CDC25C: variants seen among roughly 807,000 people sequenced by gnomAD.
CDC25C encodes M-phase inducer phosphatase 3.
CDC25C carries 48 observed loss-of-function variants against 52.5 expected under a neutral mutation model. The ratio of observed to expected loss-of-function variants is 0.91; its 90% CI spans 0.72 to 1.16. The LOEUF (loss-of-function observed/expected upper bound fraction) is 1.16, where lower values mean the gene tolerates loss of function less well. CDC25C is among the 50% of genes most tolerant of loss of function. The pLI is 0.00. For synonymous variants in CDC25C, 187 were observed against 206.5 expected (o/e 0.91, Z 0.81); for missense variants, 510 against 566.1 (o/e 0.90, Z 1.01).
At chr5:138,301,531 C>G (rs1757624152) in intron 7 of CDC25C, among the ~76,000 whole-genome samples, 1 of 151,154 alleles carries the variant, frequency 6.6e-6, no homozygotes, top group Admixed American at 6.6e-5. Context: ...AGAAATAAAA[C>G]CAATTCTATA....
At chr5:138,327,904 TCGCC>T (rs2126835149) in intron 4 of CDC25C, among the ~76,000 whole-genome samples, 1 of 151,810 alleles carries the variant, frequency 6.6e-6, no homozygotes, top group South Asian at 2.1e-4. Flanking sequence ...TCTCGCTCTG[TCGCC>T]CAGGCTGGAG....
At chr5:138,330,948 A>G in intron 2 of CDC25C, 39 bp downstream of exon 2, 2 of 1,389,350 alleles carry the variant, frequency 1.4e-6, no homozygotes, top group Non-Finnish European at 2.0e-6. Context: ...GTTTGGAAAT[A>G]GCAAAGGCAA....
rs190386705 is a variant in CDC25C, at chr5:138,302,741, A to T, written c.616-10625T>A. On this transcript the variant is annotated intron_variant, in intron 7 of 13. Transcript: ENST00000323760. ...TCATCATATTAACAGATTAAAAAAA[A>T]AACTCACTTGATTATCTCAATAGAT... 2.5e-4 allele frequency among the ~76,000 whole-genome samples: 38 copies of T among 150,896 alleles called. 1 individual carries two copies. The East Asian group carries it at 7.1e-3, about 28-fold the overall frequency.
chr5:138,328,508 A>G lies in CDC25C; in HGVS notation c.311T>C (p.Leu104Pro). Residue 104 changes from leucine to proline, a missense_variant, in exon 4 of 14, where the codon CTT (leucine) becomes CCT (proline). Leu to Pro is a moderately conservative substitution (Grantham distance 98). Transcript: ENST00000323760. ...CATCCCAGCTAAATGCACTTCCTGA[A>G]GTCCTGAAGAATCCAGGTGACCTGC... ...DETGHLDSSGLQEVHLAGMNH... is the reference protein window; with the variant it reads ...DETGHLDSSGPQEVHLAGMNH... 6.2e-7 allele frequency: 1 copy of G among 1,613,996 alleles called. No individual in the cohort carries two copies. Among genetic ancestry groups the G allele is most frequent in the Non-Finnish European group, 8.5e-7 (1 of 1,179,850 alleles).
In CDC25C at chr5:138,319,267, C is replaced by A. The variant is rs1759150606; in HGVS notation, c.567G>T (p.Glu189Asp). Residue 189 changes from glutamate (E) to aspartate (D), a missense_variant, in exon 7 of 14, where the codon GAG (glutamate) becomes GAT (aspartate). Transcript: ENST00000323760. Reference protein sequence around the residue: ...NPNLGEDQAEEISDELMEFSL... With the variant: ...NPNLGEDQAEDISDELMEFSL... ...AAAACTCCATTAATTCATCTGAAATCTCTTCTGCCTGGTCTTCTCCTAGGT... is the reference window on the plus strand; with the variant it reads ...AAAACTCCATTAATTCATCTGAAATATCTTCTGCCTGGTCTTCTCCTAGGT... 1.2e-6 allele frequency: 2 copies of A among 1,613,616 alleles called. No individual in the cohort carries two copies. Among genetic ancestry groups the A allele is most frequent in the Non-Finnish European group, 1.7e-6 (2 of 1,179,770 alleles).
At chr5:138,335,524 TG>T (rs1561733902), upstream of CDC25C, 1 of 152,036 alleles carries the variant, frequency 6.6e-6, no homozygotes, top group Non-Finnish European at 1.5e-5. Flanking sequence ...GGGTCACAGA[TG>T]GGGTTTGGCC....
In CDC25C at chr5:138,325,861, T is replaced by C. The variant is rs1759810096; in HGVS notation, c.413A>G (p.His138Arg). 4 of 1,614,204 alleles carry C rather than the reference T, an allele frequency of 2.5e-6. No individual in the cohort carries two copies. Among genetic ancestry groups the C allele is most frequent in the East Asian group, 4.5e-5 (2 of 44,886 alleles). ...CSTPNGLDRG[H>R]RKRDAMCSSS... is the part of the protein sequence containing the mutation. ...ACTACACATTGCATCTCTCTTTCTATGGCCACGGTCCAAACCATTCGGAGT... is the reference window on the plus strand; with the variant it reads ...ACTACACATTGCATCTCTCTTTCTACGGCCACGGTCCAAACCATTCGGAGT... Residue 138 changes from histidine to arginine, a missense_variant, in exon 6 of 14, where the codon CAT becomes CGT. Coordinates refer to ENST00000323760, the MANE Select transcript of CDC25C (RefSeq NM_001790.5).
rs1330691619 is a variant in CDC25C at position 138,292,004 on chromosome 5, T to A, written c.728A>T (p.Lys243Ile). ...KDNTIPDKVK[K>I]KYFSGQGKLR... Reference sequence around the variant, plus strand: ...CTTTCCTTGGCCAGAAAAATACTTTTTTTTAACTTTATCTGGTATTGTGTT... The same window carrying A: ...CTTTCCTTGGCCAGAAAAATACTTTATTTTAACTTTATCTGGTATTGTGTT... The change falls in exon 8 of 14, where the codon AAA becomes ATA. Residue 243 changes from lysine (K) to isoleucine (I), a missense_variant. By Grantham distance (102) the Lys-to-Ile change is moderately radical (BLOSUM62 -3). Coordinates refer to ENST00000323760, the MANE Select transcript of CDC25C (RefSeq NM_001790.5). 2 of 1,610,406 alleles carry A rather than the reference T, an allele frequency of 1.2e-6. No homozygotes were observed. Among genetic ancestry groups the A allele is most frequent in the Non-Finnish European group, 1.7e-6 (2 of 1,178,232 alleles).
At chr5:138,309,706 G>A (rs1758298830) in intron 7 of CDC25C, among the ~76,000 whole-genome samples, 2 of 137,604 alleles carry the variant, frequency 1.5e-5, no homozygotes, top group African/African-American at 5.3e-5. Context: ...ACCTCCCCTG[G>A]CTCTCAAAAT....
At chr5:138,308,165 G>A (rs112955544) in intron 7 of CDC25C, among the ~76,000 whole-genome samples, 2 of 152,030 alleles carry the variant, frequency 1.3e-5, no homozygotes, top group Non-Finnish European at 2.9e-5. Context: ...CATGGCCCAC[G>A]GGTTGGGAAA....
In CDC25C at chr5:138,328,109, C is replaced by T. The variant is rs370753935; in HGVS notation, c.335+375G>A. Reference sequence around the variant, plus strand: ...CTTGAACTGCTGACCTCAACTGATCCGCCTGCCTTGGCCTCCCAAAGTGCT... The same window carrying T: ...CTTGAACTGCTGACCTCAACTGATCTGCCTGCCTTGGCCTCCCAAAGTGCT... On this transcript the variant is annotated intron_variant, in intron 4 of 13. Coordinates refer to ENST00000323760, the MANE Select transcript of CDC25C (RefSeq NM_001790.5). Among the ~76,000 whole-genome samples the T allele has an allele frequency of 4.6e-5, 7 of 152,288 alleles. No homozygotes were observed. In the South Asian group the frequency reaches 1.0e-3, roughly 23 times the overall value.
In CDC25C at chr5:138,289,559, C is replaced by T. The variant is rs1756538125; in HGVS notation, c.869G>A (p.Cys290Tyr). The part of the protein sequence containing the change: ...GHLIGDFSKV[C>Y]ALPTVSGKHQ... ...TTTCCCTGACACGGTTGGCAGCGCA[C>T]ATACCTAGAAATACACAAGAGCTGA... The change falls in exon 10 of 14, where the codon TGT (cysteine) becomes TAT (tyrosine). Residue 290 changes from cysteine (C) to tyrosine (Y), a missense_variant. Physicochemically the swap from Cys to Tyr is radical, Grantham distance 194. Coordinates refer to ENST00000323760, the MANE Select transcript of CDC25C (RefSeq NM_001790.5). The T allele has an allele frequency of 1.9e-6, 3 of 1,612,782 alleles. No individual in the cohort carries two copies. The highest frequency in any genetic ancestry group is 1.3e-5 in the African/African-American group (1 of 74,880).
intron 7 of CDC25C, among the ~76,000 whole-genome samples, chr5:138,296,328 T>G (rs1160152649): frequency 1.3e-5 from 2 of 151,964 alleles, no homozygotes; most frequent in Non-Finnish European, 2.9e-5. Context: ...CTCTACCTCC[T>G]GAGTTCAAGC....
intron 7 of CDC25C, among the ~76,000 whole-genome samples, chr5:138,297,408 G>T (rs975805032): frequency 6.6e-6 from 1 of 152,100 alleles, no homozygotes; most frequent in African/African-American, 2.4e-5. Context: ...GAAGAACTAT[G>T]ATGCTTCTAC....
chr5:138,305,956 A>C (rs570947051), intron 7 of CDC25C, among the ~76,000 whole-genome samples: 2 of 152,338 alleles, frequency 1.3e-5, no homozygotes, highest in South Asian at 4.1e-4. Context: ...TAGAGAATAT[A>C]CTAGGTGGTA....
At chr5:138,299,495 CAAAAA>C (rs70982704) in intron 7 of CDC25C, among the ~76,000 whole-genome samples, 3 of 90,556 alleles carry the variant, frequency 3.3e-5, no homozygotes, top group Non-Finnish European at 4.5e-5. Context: ...GACTCCGTCT[CAAAAA>C]AAAAAAAAAA....
rs1476014646 is a variant in CDC25C at position 138,286,054 on chromosome 5, C to T, written c.1240G>A (p.Gly414Ser). 12 of 1,613,908 alleles carry T rather than the reference C, an allele frequency of 7.4e-6. No individual in the cohort carries two copies. In the South Asian group the frequency reaches 1.3e-4, roughly 18 times the overall value. ...TCTGGAAAGAAGTCTCTGTAGCCGCCTTTAAGGATATATAGCTCTGGGTAG... is the reference window on the plus strand; with the variant it reads ...TCTGGAAAGAAGTCTCTGTAGCCGCTTTTAAGGATATATAGCTCTGGGTAG... ...LYYPELYILKGGYRDFFPEYM... is the reference protein window; with the variant it reads ...LYYPELYILKSGYRDFFPEYM... The change falls in exon 13 of 14, where the codon GGC becomes AGC. Residue 414 changes from glycine (G) to serine (S), a missense_variant. Transcript: ENST00000323760.
Position 138,319,318 on chromosome 5 carries a change from A to G in CDC25C, c.516T>C (p.Thr172=). 3.7e-6 allele frequency: 6 copies of G among 1,613,532 alleles called. No homozygotes were observed. The highest frequency in any genetic ancestry group is 5.1e-6 in the Non-Finnish European group (6 of 1,179,480). Residue 172 remains threonine (T), a synonymous_variant, in exon 7 of 14, where the codon ACT becomes ACC. Coordinates refer to ENST00000323760, the MANE Select transcript of CDC25C (RefSeq NM_001790.5). ...TTGGATTTTTATCCAATTTTGGAAC[A>G]GTAGTAATGGGACTGCCCAAATATT... ...EMKYLGSPIT[T]VPKLDKNPNL...
At chr5:138,335,139 G>T (rs554624161), upstream of CDC25C, 3 of 152,376 alleles carry the variant, frequency 2.0e-5, no homozygotes, top group Admixed American at 2.0e-4. Flanking sequence ...AGAACAGGAG[G>T]TACAGCCATC....
Sources: allele counts gnomAD v4.1 joint callset (sites outside exome capture counted in the v4.1 genomes callset), GRCh38; gene constraint gnomAD v4.1.1; transcripts MANE v1.5; gene names NCBI Gene and HGNC (gene_info 2026-07-23, HGNC 2026-07-21).